DNAAF3: variants seen among roughly 807,000 people sequenced by gnomAD.
DNAAF3 encodes the protein UPF0470 protein C19orf51.
DNAAF3 carries 40 observed loss-of-function variants against 50.9 expected under a neutral mutation model. The ratio of observed to expected loss-of-function variants is 0.79; its 90% CI spans 0.61 to 1.02. The LOEUF (loss-of-function observed/expected upper bound fraction) is 1.02, where lower values mean the gene tolerates loss of function less well. DNAAF3 is among the 50% of genes least tolerant of loss of function. The pLI is 0.00. For synonymous variants in DNAAF3, 327 were observed against 322.8 expected (o/e 1.01, Z -0.14); for missense variants, 763 against 744.7 (o/e 1.02, Z -0.29).
Position 55,160,026 on chromosome 19 carries a change from G to T in DNAAF3, c.1049-13C>A. 3 of 1,411,214 alleles carry T rather than the reference G, an allele frequency of 2.1e-6. No individual in the cohort carries two copies. The highest frequency in any genetic ancestry group is 1.5e-5 in the African/African-American group (1 of 65,930). 87.4% of individuals were successfully genotyped at this position (1,411,214 alleles called of 1,614,324 possible). A position where few individuals can be genotyped will look rare whatever the true frequency, so the allele number is the denominator to read the frequency against. The stretch of plus-strand genomic sequence containing the variant: ...GGGGTCGGGGCTGCTGGGGGAAGGG[G>T]ATAGAGGGGTCACCTCTGACAGGCG... On this transcript the variant is annotated splice_polypyrimidine_tract_variant and intron_variant, in intron 9 of 11. Coordinates refer to ENST00000524407, the MANE Select transcript of DNAAF3 (RefSeq NM_001256715.2). This position sits in a 1 kb window ranked among gnomAD's most constrained non-coding sequence, Gnocchi z 4.7.
rs1274020963 is a variant in DNAAF3, at chr19:55,161,207, G to A, written c.790-20C>T. On this transcript the variant is annotated intron_variant, in intron 7 of 11. Transcript: ENST00000524407. This position sits in a 1 kb window ranked among gnomAD's most constrained non-coding sequence, Gnocchi z 6.4. The stretch of plus-strand genomic sequence containing the variant: ...CCCACGCTGGAAAAGGAGGGAGAGA[G>A]GAGGCAGGTGAGGTCGATGTTGGGG... 1.9e-6 allele frequency: 3 copies of A among 1,584,062 alleles called. No homozygotes were observed. Among genetic ancestry groups the A allele is most frequent in the Non-Finnish European group, 2.6e-6 (3 of 1,163,370 alleles).
intron 4 of DNAAF3, chr19:55,162,736 GTA>G: frequency 1.1e-6 from 1 of 938,388 alleles, no homozygotes; most frequent in Non-Finnish European, 1.3e-6. Flanking sequence ...CATTTACATT[GTA>G]TTACATATTA....
Position 55,166,589 on chromosome 19 carries a change from C to G in DNAAF3, c.-71G>C. On this transcript the variant is annotated 5_prime_UTR_variant, in exon 1 of 12. Coordinates refer to ENST00000524407, the MANE Select transcript of DNAAF3 (RefSeq NM_001256715.2). The surrounding 1 kb of genome is among the most constrained non-coding windows in gnomAD (Gnocchi z 4.0). The stretch of plus-strand genomic sequence containing the variant: ...TCAGTGCAGCACTGTGGACCCGCGG[C>G]ACTCCACAACCGCTGCCCAGAGTCC... 3.1e-6 allele frequency: 5 copies of G among 1,614,202 alleles called. No homozygotes were observed. Among genetic ancestry groups the G allele is most frequent in the Non-Finnish European group, 4.2e-6 (5 of 1,180,034 alleles).
In DNAAF3 at chr19:55,161,587, C is replaced by A; in HGVS notation, c.663+56G>T. The A allele has an allele frequency of 6.7e-7, 1 of 1,491,372 alleles. No homozygotes were observed. Among genetic ancestry groups the A allele is most frequent in the African/African-American group, 1.4e-5 (1 of 71,496 alleles). The allele number at this position is 1,491,372 out of a possible 1,614,324, so 92.4% of individuals were successfully genotyped here. On this transcript the variant is annotated intron_variant, in intron 6 of 11. Coordinates refer to ENST00000524407, the MANE Select transcript of DNAAF3 (RefSeq NM_001256715.2). This position sits in a 1 kb window ranked among gnomAD's most constrained non-coding sequence, Gnocchi z 6.4. ...CCTCAGACTCAGGAGGCCCCCAGCCCCTCCTCCCTCAGACCCAGGGGTCCA... is the reference window on the plus strand; with the variant it reads ...CCTCAGACTCAGGAGGCCCCCAGCCACTCCTCCCTCAGACCCAGGGGTCCA...
Position 55,158,781 on chromosome 19 carries a change from G to C in DNAAF3, c.*281C>G. 1 of 320,516 alleles carries C rather than the reference G, an allele frequency of 3.1e-6. No homozygotes were observed. The highest frequency in any genetic ancestry group is 5.7e-6 in the Non-Finnish European group (1 of 175,172). 19.9% of individuals were successfully genotyped at this position (320,516 alleles called of 1,614,324 possible). A position where few individuals can be genotyped will look rare whatever the true frequency, so the allele number is the denominator to read the frequency against. ...TGGGAACAAGGGGGCCAAAGTCAAG[G>C]GCCTGAGACTCAGTGTCAGATCCTA... is the stretch of plus-strand genomic sequence containing the variant. On this transcript the variant is annotated 3_prime_UTR_variant, in exon 12 of 12. Coordinates refer to ENST00000524407, the MANE Select transcript of DNAAF3 (RefSeq NM_001256715.2).
Position 55,162,169 on chromosome 19 carries a change from C to T in DNAAF3, c.444G>A (p.Glu148=). The change falls in exon 5 of 12, where the codon GAG becomes GAA. Residue 148 remains glutamate, a synonymous_variant. Transcript: ENST00000524407. ...AHLVPEPDRL[E]EQLPWLSLRA... is the part of the protein sequence containing the mutation. The stretch of plus-strand genomic sequence containing the variant: ...GGAGGCTGAGCCAGGGCAGCTGTTC[C>T]TCCAGGCGGTCGGGCTCGGGGACCA... 8.0e-7 allele frequency: 1 copy of T among 1,252,840 alleles called. No individual in the cohort carries two copies. Among genetic ancestry groups the T allele is most frequent in the Middle Eastern group, 2.2e-4 (1 of 4,578 alleles). The allele number at this position is 1,252,840 out of a possible 1,614,324, so 77.6% of individuals were successfully genotyped here.
rs577759396 is a variant in DNAAF3, at chr19:55,160,414, T to C, written c.1048+226A>G. Among the ~76,000 whole-genome samples, 1 of 152,282 alleles carries C rather than the reference T, an allele frequency of 6.6e-6. No individual in the cohort carries two copies. The highest frequency in any genetic ancestry group is 1.9e-4 in the East Asian group (1 of 5,186). On this transcript the variant is annotated intron_variant, in intron 9 of 11. Coordinates refer to ENST00000524407, the MANE Select transcript of DNAAF3 (RefSeq NM_001256715.2). This position sits in a 1 kb window ranked among gnomAD's most constrained non-coding sequence, Gnocchi z 4.7. ...GACCCAGCACCCTGTGAGAATATTC[T>C]TGGATAGCTTAGCCCTCTGCAGATA...
chr19:55,164,528 TTTC>T (rs149664022), intron 4 of DNAAF3, among the ~76,000 whole-genome samples: 26,119 of 151,774 alleles, frequency 0.17, 2,271 homozygotes, highest in Middle Eastern at 0.28. Context: ...TTTTTCTTTC[TTTC>T]TTTTTTTTTT....
Position 55,161,382 on chromosome 19 carries a change from G to A in DNAAF3, c.700C>T (p.Arg234Trp). Reference sequence around the variant, plus strand: ...AGTTCAAAGGCGACGCCTGTGTCCCGCCAGCGTCGGAACTCCTGGGGGTGA... The same window carrying A: ...AGTTCAAAGGCGACGCCTGTGTCCCACCAGCGTCGGAACTCCTGGGGGTGA... ...VIHPQEFRRW[R>W]DTGVAFELRD... The change falls in exon 7 of 12, where the codon CGG becomes TGG. Residue 234 changes from arginine to tryptophan, a missense_variant. Transcript: ENST00000524407. This position sits in a 1 kb window ranked among gnomAD's most constrained non-coding sequence, Gnocchi z 6.4. 2.8e-6 allele frequency: 4 copies of A among 1,443,654 alleles called. No individual in the cohort carries two copies. The highest frequency in any genetic ancestry group is 3.7e-6 in the Non-Finnish European group (4 of 1,073,482). 89.4% of individuals were successfully genotyped at this position (1,443,654 alleles called of 1,614,324 possible).
chr19:55,166,281 A>G lies in DNAAF3; in HGVS notation c.85+48T>C. 1 of 1,599,376 alleles carries G rather than the reference A, an allele frequency of 6.3e-7. No individual in the cohort carries two copies. The highest frequency in any genetic ancestry group is 1.1e-5 in the South Asian group (1 of 90,082). ...ACGAGCTCTAAAAGGCCGTCTGCTC[A>G]GGCTGGGAAGGCAGACGGTGTATCA... On this transcript the variant is annotated intron_variant, in intron 2 of 11. Transcript: ENST00000524407. This position sits in a 1 kb window ranked among gnomAD's most constrained non-coding sequence, Gnocchi z 4.0.
At position 55,159,123 on chromosome 19, in the gene DNAAF3, G is replaced by A; in HGVS notation, c.1565C>T (p.Ala522Val). 6.2e-7 allele frequency: 1 copy of A among 1,613,374 alleles called. No individual in the cohort carries two copies. Among genetic ancestry groups the A allele is most frequent in the Non-Finnish European group, 8.5e-7 (1 of 1,179,846 alleles). The change falls in exon 12 of 12, where the codon GCT (alanine) becomes GTT (valine). Residue 522 changes from alanine (A) to valine (V), a missense_variant. Coordinates refer to ENST00000524407, the MANE Select transcript of DNAAF3 (RefSeq NM_001256715.2). ...ESPGSLSEVLAQPQGALAPPN... is the reference protein window; with the variant it reads ...ESPGSLSEVLVQPQGALAPPN... Reference sequence around the variant, plus strand: ...CGGAGCCAAGGCCCCCTGAGGCTGAGCCAGAACCTCTGAGAGTGAACCTGG... The same window carrying A: ...CGGAGCCAAGGCCCCCTGAGGCTGAACCAGAACCTCTGAGAGTGAACCTGG...
Position 55,160,802 on chromosome 19 carries a change from C to T in DNAAF3, c.913-27G>A, listed in dbSNP as rs201893589. On this transcript the variant is annotated intron_variant, in intron 8 of 11. Coordinates refer to ENST00000524407, the MANE Select transcript of DNAAF3 (RefSeq NM_001256715.2). The surrounding 1 kb of genome is among the most constrained non-coding windows in gnomAD (Gnocchi z 4.7). ...TAACAGTAGAAGGGGCGTGGCCAGA[C>T]GTCGGGGCCAGGATGGCGGGGCGGG... The T allele has an allele frequency of 6.3e-7, 1 of 1,599,252 alleles. No homozygotes were observed. The highest frequency in any genetic ancestry group is 1.3e-5 in the African/African-American group (1 of 74,732).
chr19:55,162,293 A>G lies in DNAAF3; in HGVS notation c.323-3T>C. 2 of 1,249,968 alleles carry G rather than the reference A, an allele frequency of 1.6e-6. No individual in the cohort carries two copies. The highest frequency in any genetic ancestry group is 2.0e-6 in the Non-Finnish European group (2 of 988,742). 77.4% of individuals were successfully genotyped at this position (1,249,968 alleles called of 1,614,324 possible). A position where few individuals can be genotyped will look rare whatever the true frequency, so the allele number is the denominator to read the frequency against. On this transcript the variant is annotated splice_polypyrimidine_tract_variant and splice_region_variant and intron_variant, in intron 4 of 11. Transcript: ENST00000524407. Reference sequence around the variant, plus strand: ...TTCCAGGAAGGTCTCGCTTCGCTCTACGGAGAGAGGGAGATAATTGCGGGA... The same window carrying G: ...TTCCAGGAAGGTCTCGCTTCGCTCTGCGGAGAGAGGGAGATAATTGCGGGA...
chr19:55,161,218 A>T lies in DNAAF3; in HGVS notation c.790-31T>A, dbSNP rs2085823706. ...AAAGGAGGGAGAGAGGAGGCAGGTG[A>T]GGTCGATGTTGGGGCCCCTGACTCC... On this transcript the variant is annotated intron_variant, in intron 7 of 11. Coordinates refer to ENST00000524407, the MANE Select transcript of DNAAF3 (RefSeq NM_001256715.2). The surrounding 1 kb of genome is among the most constrained non-coding windows in gnomAD (Gnocchi z 6.4). The T allele has an allele frequency of 6.3e-7, 1 of 1,587,954 alleles. No homozygotes were observed. Among genetic ancestry groups the T allele is most frequent in the East Asian group, 2.3e-5 (1 of 43,630 alleles).
intron 5 of DNAAF3, 75 bp downstream of exon 5, chr19:55,162,058 C>A: frequency 1.5e-6 from 2 of 1,325,128 alleles, no homozygotes; most frequent in Non-Finnish European, 1.9e-6. Context: ...GCTCCATCAA[C>A]GCACGTCCTT....
Position 55,159,208 on chromosome 19 carries a change from T to C in DNAAF3, c.1480A>G (p.Thr494Ala). The C allele has an allele frequency of 6.2e-7, 1 of 1,613,714 alleles. No homozygotes were observed. The highest frequency in any genetic ancestry group is 2.2e-5 in the East Asian group (1 of 44,872). The change falls in exon 12 of 12, where the codon ACC (threonine) becomes GCC (alanine). Residue 494 changes from threonine (T) to alanine (A), a missense_variant. Thr to Ala is a moderately conservative substitution (Grantham distance 58). Transcript: ENST00000524407. ...EASNPALEGL[T>A]QPLQGGTPHC... ...GGGGTCCCACCCTGCAGAGGCTGGG[T>C]CAGGCCCTCAAGGGCTGGGTTGCTG... is the stretch of plus-strand genomic sequence containing the variant.
chr19:55,163,078 C>T (rs1204263487), intron 4 of DNAAF3, among the ~76,000 whole-genome samples: 3 of 146,280 alleles, frequency 2.1e-5, no homozygotes, highest in South Asian at 2.2e-4. Flanking sequence ...GGCGCGATCC[C>T]GGCTCACTGC....
intron 4 of DNAAF3, among the ~76,000 whole-genome samples, chr19:55,164,665 C>T (rs2085905086): frequency 6.6e-6 from 1 of 151,780 alleles, no homozygotes; most frequent in Non-Finnish European, 1.5e-5. Context: ...GCTGGGACTA[C>T]AGGCGCCTGC....
At position 55,159,274 on chromosome 19, in the gene DNAAF3, C is replaced by G. The variant is rs201919395; in HGVS notation, c.1414G>C (p.Gly472Arg). 6.2e-7 allele frequency: 1 copy of G among 1,613,918 alleles called. No homozygotes were observed. The highest frequency in any genetic ancestry group is 1.3e-5 in the African/African-American group (1 of 74,924). Residue 472 changes from glycine (G) to arginine (R), a missense_variant, in exon 12 of 12, where the codon GGA becomes CGA. Coordinates refer to ENST00000524407, the MANE Select transcript of DNAAF3 (RefSeq NM_001256715.2). Reference sequence around the variant, plus strand: ...GCCAGGATGTCAAGGGGCGGAGTTCCGGGTTCCACAGCTGGGACAGTGTTG... The same window carrying G: ...GCCAGGATGTCAAGGGGCGGAGTTCGGGGTTCCACAGCTGGGACAGTGTTG... ...LGNTVPAVEP[G>R]TPPLDILAQP...
Sources: allele counts gnomAD v4.1 joint callset (sites outside exome capture counted in the v4.1 genomes callset), GRCh38; gene constraint gnomAD v4.1.1; non-coding constraint Gnocchi (gnomAD v3.1); transcripts MANE v1.5; gene names NCBI Gene and HGNC (gene_info 2026-07-23, HGNC 2026-07-21).